CAMTA1: variants seen among roughly 807,000 people sequenced by gnomAD.
CAMTA1 encodes calmodulin binding transcription activator 1, also known as calmodulin-binding transcription activator 1.
A neutral mutation model predicts 170.9 loss-of-function variants in CAMTA1; 27 were observed. That is an observed-to-expected ratio of 0.16 (90% CI 0.12 to 0.22). The LOEUF (loss-of-function observed/expected upper bound fraction) is 0.22, where lower values mean the gene tolerates loss of function less well. CAMTA1 is among the 10% of genes least tolerant of loss of function. The pLI, the probability that CAMTA1 is intolerant of heterozygous loss-of-function variation, is 1.00. For missense variants in CAMTA1, 1,619 were observed against 2,217.2 expected, an observed-to-expected ratio of 0.73 and a Z score of 5.42; for synonymous variants, 833 against 891.5, an observed-to-expected ratio of 0.93 and a Z score of 1.17.
At chr1:6,899,546 G>GCA (rs1215920186) in intron 3 of CAMTA1, among the ~76,000 whole-genome samples, 27 of 99,398 alleles carry the variant, frequency 2.7e-4, no homozygotes, top group African/African-American at 9.0e-4. Context: ...TAACGCGCAC[G>GCA]CGCGCGCGCA....
At chr1:7,420,718 G>T (rs982887908) in intron 5 of CAMTA1, among the ~76,000 whole-genome samples, 5 of 152,224 alleles carry the variant, frequency 3.3e-5, no homozygotes, top group African/African-American at 1.2e-4. Context: ...GCCAAAATCA[G>T]CATATTCTTT....
At chr1:7,304,168 C>CG (rs1675231512) in intron 5 of CAMTA1, among the ~76,000 whole-genome samples, 1 of 152,150 alleles carries the variant, frequency 6.6e-6, no homozygotes, top group Non-Finnish European at 1.5e-5. Flanking sequence ...ACAATGCGAA[C>CG]GTCCTCAATG....
intron 6 of CAMTA1, among the ~76,000 whole-genome samples, chr1:7,469,137 C>T (rs577352464): frequency 8.5e-5 from 13 of 152,316 alleles, no homozygotes; most frequent in South Asian, 4.1e-4. Flanking sequence ...CATCCGGGGA[C>T]GTGCTGATTT....
intron 3 of CAMTA1, among the ~76,000 whole-genome samples, chr1:7,035,622 A>T (rs1703476621): frequency 6.6e-6 from 1 of 152,162 alleles, no homozygotes; most frequent in South Asian, 2.1e-4. Flanking sequence ...ATACAGTGAA[A>T]AAGGCAAATC....
In CAMTA1 at chr1:7,719,618, T is replaced by G. The variant is rs554635641; in HGVS notation, c.2915-12830T>G. Among the ~76,000 whole-genome samples the G allele has an allele frequency of 5.9e-5, 9 of 152,310 alleles. No individual in the cohort carries two copies. In the South Asian group the frequency reaches 1.9e-3, roughly 32 times the overall value. On this transcript the variant is annotated intron_variant, in intron 11 of 22. Transcript: ENST00000303635. Reference sequence around the variant, plus strand: ...TTTTTTCTACGGCTAAATTTAGCCATTGCTTTGGAAAATCAGAGTGGTACA... The same window carrying G: ...TTTTTTCTACGGCTAAATTTAGCCAGTGCTTTGGAAAATCAGAGTGGTACA...
rs34288461 is a variant in CAMTA1, at chr1:7,219,542, TAAAAAAAAAAAAAAAAA to T, written c.303-29935_303-29919del. On this transcript the variant is annotated intron_variant, in intron 4 of 22. Transcript: ENST00000303635. Reference sequence around the variant, plus strand: ...CTCTCCTGACATTTGAATTTTTTCTTAAAAAAAAAAAAAAAAAAAAAAAAAAAAAAGGAGACACACCA... The same window carrying T: ...CTCTCCTGACATTTGAATTTTTTCTTAAAAAAAAAAAAAGGAGACACACCA... 5 of 65,278 alleles carry T rather than the reference TAAAAAAAAAAAAAAAAA, an allele frequency of 7.7e-5. 1 individual carries two copies. The South Asian group carries it at 3.2e-3, about 42-fold the overall frequency. 4.0% of individuals were successfully genotyped at this position (65,278 alleles called of 1,614,324 possible). A position where few individuals can be genotyped will look rare whatever the true frequency, so the allele number is the denominator to read the frequency against.
Position 7,736,903 on chromosome 1 carries a change from T to C in CAMTA1, c.3264-28T>C, listed in dbSNP as rs763911226. On this transcript the variant is annotated intron_variant, in intron 13 of 22. Coordinates refer to ENST00000303635, the MANE Select transcript of CAMTA1 (RefSeq NM_015215.4). The surrounding 1 kb of genome is among the most constrained non-coding windows in gnomAD (Gnocchi z 4.5). ...TTCCTTTTAACGGTGGTGAATAGTGTGGTAATTTCTGGTGCTCTCCCTTAT... is the reference window on the plus strand; with the variant it reads ...TTCCTTTTAACGGTGGTGAATAGTGCGGTAATTTCTGGTGCTCTCCCTTAT... 16 of 1,559,478 alleles carry C rather than the reference T, an allele frequency of 1.0e-5. No individual in the cohort carries two copies. The African/African-American group carries it at 1.9e-4, about 18-fold the overall frequency.
intron 11 of CAMTA1, among the ~76,000 whole-genome samples, chr1:7,724,301 C>T (rs556635203): frequency 6.6e-6 from 1 of 152,286 alleles, no homozygotes; most frequent in Admixed American, 6.5e-5. Context: ...GTTAATAGCT[C>T]TAATATACCA....
chr1:7,655,081 CA>C (rs2095878307), intron 7 of CAMTA1, among the ~76,000 whole-genome samples: 2 of 82,516 alleles, frequency 2.4e-5, no homozygotes, highest in Non-Finnish European at 5.6e-5. Flanking sequence ...TATACACACA[CA>C]CCCACCTATA....
intron 19 of CAMTA1, chr1:7,750,982 T>C (rs2096892781): frequency 1.4e-6 from 1 of 690,986 alleles, no homozygotes; most frequent in South Asian, 1.5e-5. Context: ...GGAAAAAATA[T>C]ATGTCTGAAG....
intron 6 of CAMTA1, among the ~76,000 whole-genome samples, chr1:7,542,868 TGTGTGTGTGTG>T (rs1557887291): frequency 4.0e-5 from 6 of 151,236 alleles, no homozygotes; most frequent in African/African-American, 1.5e-4. Context: ...TGTGTGTGTG[TGTGTGTGTGTG>T]TTTGAGCCGG....
chr1:7,555,315 T>C (rs533101068), intron 6 of CAMTA1, among the ~76,000 whole-genome samples: 113 of 152,268 alleles, frequency 7.4e-4, no homozygotes, highest in African/African-American at 2.5e-3. Context: ...TGGGGGTGCA[T>C]GTGGGTAGGA....
At chr1:7,226,947 C>G (rs1418909373) in intron 4 of CAMTA1, among the ~76,000 whole-genome samples, 2 of 152,158 alleles carry the variant, frequency 1.3e-5, no homozygotes, top group African/African-American at 4.8e-5. Context: ...ATTCTCCTGC[C>G]TTAGCCTCCT....
intron 5 of CAMTA1, among the ~76,000 whole-genome samples, chr1:7,264,397 T>G (rs964785791): frequency 6.6e-6 from 1 of 152,192 alleles, no homozygotes; most frequent in African/African-American, 2.4e-5. Flanking sequence ...CTGTGATACC[T>G]GGCACATGCA....
At chr1:6,977,441 A>G (rs1693650533) in intron 3 of CAMTA1, among the ~76,000 whole-genome samples, 1 of 152,042 alleles carries the variant, frequency 6.6e-6, no homozygotes, top group African/African-American at 2.4e-5. Flanking sequence ...CCCAGGTTCA[A>G]GAAATTCTCC....
At chr1:6,858,734 TTGTCC>T (rs1176454582) in intron 3 of CAMTA1, among the ~76,000 whole-genome samples, 1 of 152,168 alleles carries the variant, frequency 6.6e-6, no homozygotes, top group Admixed American at 6.5e-5. Context: ...GTGAAGAAGA[TTGTCC>T]TCTATTTGCT....
At chr1:7,719,098 A>T (rs543093719) in intron 11 of CAMTA1, among the ~76,000 whole-genome samples, 1 of 152,100 alleles carries the variant, frequency 6.6e-6, no homozygotes, top group Non-Finnish European at 1.5e-5. Flanking sequence ...CAGAATCTGT[A>T]TGGGAGTTCC....
At chr1:7,618,888 C>T (rs574816669) in intron 6 of CAMTA1, among the ~76,000 whole-genome samples, 3 of 149,248 alleles carry the variant, frequency 2.0e-5, no homozygotes, top group African/African-American at 7.4e-5. Flanking sequence ...TAGAGCCATC[C>T]TTTTTTTTTT....
intron 5 of CAMTA1, among the ~76,000 whole-genome samples, chr1:7,404,742 A>G (rs74053247): frequency 0.031 from 4,681 of 152,302 alleles, 162 homozygotes; most frequent in African/African-American, 0.082. Context: ...CGGGAAAGGA[A>G]GAGCCAGCCT....
Sources: gnomAD v4.1 joint callset for allele counts (sites outside exome capture counted in the v4.1 genomes callset) on GRCh38, gnomAD v4.1.1 for gene constraint, Gnocchi (gnomAD v3.1) non-coding constraint, MANE v1.5 for transcripts, NCBI Gene and HGNC (gene_info 2026-07-23, HGNC 2026-07-21) for gene names.